The following MGAT5B variants were observed in gnomAD, a reference collection of about 807,000 sequenced individuals.
MGAT5B encodes the protein N-acetylglucosaminyl-transferase Vb.
Under a neutral mutation model 95.1 loss-of-function variants are expected in MGAT5B, and 54 were observed. The observed-to-expected ratio is 0.57, with a 90% CI of 0.46 to 0.71. MGAT5B has a LOEUF of 0.71. Ranked by LOEUF, MGAT5B falls within the 30% of genes least tolerant of loss-of-function variation. The pLI is 0.00. For missense variants in MGAT5B, 935 were observed against 1,088.6 expected, an observed-to-expected ratio of 0.86 and a Z score of 1.99; for synonymous variants, 464 against 451.0, an observed-to-expected ratio of 1.03 and a Z score of -0.36.
At chr17:76,888,372 C>T (rs1449206481) in intron 3 of MGAT5B, among the ~76,000 whole-genome samples, 1 of 152,056 alleles carries the variant, frequency 6.6e-6, no homozygotes, top group Non-Finnish European at 1.5e-5. Flanking sequence ...AGAGAGGATC[C>T]GTCTCCCCTG....
rs16969506 is a variant in MGAT5B, at chr17:76,918,859, A to G, written c.1026-6107A>G. ...GTCAAAGATCTCTGACTACTTTGCA[A>G]GGATTCTTTTTAATTAGGTCCCTCC... is the stretch of plus-strand genomic sequence containing the variant. On this transcript the variant is annotated intron_variant, in intron 8 of 17. Transcript: ENST00000569840. The surrounding 1 kb of genome is among the most constrained non-coding windows in gnomAD (Gnocchi z 5.1). Among the ~76,000 whole-genome samples the G allele has an allele frequency of 0.16, 24,166 of 152,034 alleles. 2,177 individuals are homozygous for G. The highest frequency in any genetic ancestry group is 0.32 in the East Asian group (1,644 of 5,154).
In MGAT5B at chr17:76,882,158, G is replaced by A. The variant is rs1190001152; in HGVS notation, c.189G>A (p.Gly63=). The change falls in exon 3 of 18, where the codon GGG becomes GGA. Residue 63 remains glycine (G), a synonymous_variant. Coordinates refer to ENST00000569840, the MANE Select transcript of MGAT5B (RefSeq NM_001199172.2). ...SPFTIRTEVM[G]GPESRGVLRK... ...CCCACACTCTGCCCACAGTGATGGG[G>A]GGCCCCGAGTCCCGCGGCGTCCTGC... 3 of 1,610,018 alleles carry A rather than the reference G, an allele frequency of 1.9e-6. No individual in the cohort carries two copies. Among genetic ancestry groups the A allele is most frequent in the African/African-American group, 2.7e-5 (2 of 74,924 alleles).
Position 76,947,983 on chromosome 17 carries a change from C to T in MGAT5B, c.2077C>T (p.Leu693=). 1 of 1,612,032 alleles carries T rather than the reference C, an allele frequency of 6.2e-7. No individual in the cohort carries two copies. The change falls in exon 17 of 18, where the codon CTG becomes TTG. Residue 693 remains leucine (L), a synonymous_variant. Coordinates refer to ENST00000569840, the MANE Select transcript of MGAT5B (RefSeq NM_001199172.2). ...WPPAHALRAW[L]AVPGRACTDT... is the part of the protein sequence containing the mutation. ...CCCCGCGCACGCCCTGCGGGCCTGG[C>T]TGGCCGTGCCTGGGAGGGCCTGCAC...
In MGAT5B at chr17:76,928,403, T is replaced by A. The variant is rs1394439855; in HGVS notation, c.1291+1673T>A. Among the ~76,000 whole-genome samples, 4 of 151,904 alleles carry A rather than the reference T, an allele frequency of 2.6e-5. No individual in the cohort carries two copies. The East Asian group carries it at 7.7e-4, about 29-fold the overall frequency. ...AAGTTGAGAAGCTTGGGTATTTAGA[T>A]CACTTAGAAGGGAAGCAGTCAAGCC... On this transcript the variant is annotated intron_variant, in intron 10 of 17. Transcript: ENST00000569840.
At chr17:76,944,434 C>T (rs1166152295) in intron 15 of MGAT5B, among the ~76,000 whole-genome samples, 4 of 152,118 alleles carry the variant, frequency 2.6e-5, no homozygotes, top group Non-Finnish European at 5.9e-5. Context: ...AAGCCTTGTC[C>T]CCGCAAGACC....
In MGAT5B at chr17:76,870,970, G is replaced by C. The variant is rs562671667; in HGVS notation, c.68+1873G>C. On this transcript the variant is annotated intron_variant, in intron 1 of 17. Transcript: ENST00000569840. The surrounding 1 kb of genome is among the most constrained non-coding windows in gnomAD (Gnocchi z 5.0). ...GGGGGACATTGAACCCCAGGATGGG[G>C]TTCTGGCAGAGGGAGATGCAGATGA... Among the ~76,000 whole-genome samples the C allele has an allele frequency of 2.6e-4, 39 of 152,234 alleles. No homozygotes were observed. Among genetic ancestry groups the C allele is most frequent in the African/African-American group, 7.5e-4 (31 of 41,540 alleles).
Position 76,947,871 on chromosome 17 carries a change from C to T in MGAT5B, c.1965C>T (p.His655=), listed in dbSNP as rs145474400. 731 of 1,597,572 alleles carry T rather than the reference C, an allele frequency of 4.6e-4. 4 individuals carry two copies. In the African/African-American group the frequency reaches 7.2e-3, roughly 16 times the overall value. The stretch of plus-strand genomic sequence containing the variant: ...CAGACCCTGCCCTACCAGAGGCCCA[C>T]GCCCCGCAGAGCCCCTTTGTCCTGG... ...RAPDPALPEA[H]APQSPFVLAP... The change falls in exon 17 of 18, where the codon CAC becomes CAT. Residue 655 remains histidine (H), a synonymous_variant. Coordinates refer to ENST00000569840, the MANE Select transcript of MGAT5B (RefSeq NM_001199172.2).
intron 3 of MGAT5B, among the ~76,000 whole-genome samples, chr17:76,898,332 A>AT (rs1056312668): frequency 0.021 from 1,343 of 65,054 alleles, 14 homozygotes; most frequent in African/African-American, 0.049. Flanking sequence ...TAATCTTTTT[A>AT]TTTTTTTTTT....
chr17:76,882,222 A>C lies in MGAT5B; in HGVS notation c.253A>C (p.Met85Leu), dbSNP rs1386364270. The change falls in exon 3 of 18, where the codon ATG becomes CTG. Residue 85 changes from methionine (M) to leucine (L), a missense_variant. Transcript: ENST00000569840. Reference sequence around the variant, plus strand: ...CCTGCTGGAGCTGATGGTGAAGCGCATGGACGCACTGGCCAGGCTGGAGAA... The same window carrying C: ...CCTGCTGGAGCTGATGGTGAAGCGCCTGGACGCACTGGCCAGGCTGGAGAA... ...SDLLELMVKR[M>L]DALARLENSS... is the part of the protein sequence containing the mutation. The C allele has an allele frequency of 1.9e-6, 3 of 1,613,742 alleles. No homozygotes were observed. The highest frequency in any genetic ancestry group is 1.7e-6 in the Non-Finnish European group (2 of 1,179,940).
chr17:76,906,645 C>A lies in MGAT5B; in HGVS notation c.1025+458C>A, dbSNP rs905559894. Among the ~76,000 whole-genome samples, 1 of 152,036 alleles carries A rather than the reference C, an allele frequency of 6.6e-6. No individual in the cohort carries two copies. The highest frequency in any genetic ancestry group is 1.5e-5 in the Non-Finnish European group (1 of 68,016). ...TGGGTGGGTGGTGCCTGTCCCTTAC[C>A]CAGTGCTGGGCTTTTCACGGTCCCT... On this transcript the variant is annotated intron_variant, in intron 8 of 17. Coordinates refer to ENST00000569840, the MANE Select transcript of MGAT5B (RefSeq NM_001199172.2). The surrounding 1 kb of genome is among the most constrained non-coding windows in gnomAD (Gnocchi z 4.6).
rs1391220396 is a variant in MGAT5B at position 76,914,157 on chromosome 17, GAGAA to G, written c.1025+7978_1025+7981del. On this transcript the variant is annotated intron_variant, in intron 8 of 17. Transcript: ENST00000569840. The surrounding 1 kb of genome is among the most constrained non-coding windows in gnomAD (Gnocchi z 5.1). ...AAGGAAAGAAGGAAGGAAGGAGAGAGAGAAAGAAAGAGAATTTGGCCACAAAGAT... is the reference window on the plus strand; with the variant it reads ...AAGGAAAGAAGGAAGGAAGGAGAGAGAGAAAGAGAATTTGGCCACAAAGAT... 1 of 168,288 alleles carries G rather than the reference GAGAA, an allele frequency of 5.9e-6. No individual in the cohort carries two copies. Among genetic ancestry groups the G allele is most frequent in the African/African-American group, 2.4e-5 (1 of 41,690 alleles). The allele number at this position is 168,288 out of a possible 1,614,324, so 10.4% of individuals were successfully genotyped here. A position where few individuals can be genotyped will look rare whatever the true frequency, so the allele number is the denominator to read the frequency against.
intron 3 of MGAT5B, among the ~76,000 whole-genome samples, chr17:76,888,269 C>A (rs369371835): frequency 6.6e-6 from 1 of 152,000 alleles, no homozygotes. Flanking sequence ...GAGAGCAGTG[C>A]GAATGCAAGC....
intron 3 of MGAT5B, among the ~76,000 whole-genome samples, chr17:76,888,396 G>T (rs950926885): frequency 2.0e-5 from 3 of 152,146 alleles, no homozygotes; most frequent in African/African-American, 7.2e-5. Context: ...CGGCGCTCAT[G>T]TTTCCAGCCG....
At position 76,914,401 on chromosome 17, in the gene MGAT5B, G is replaced by A. The variant is rs1968854208; in HGVS notation, c.1025+8214G>A. On this transcript the variant is annotated intron_variant, in intron 8 of 17. Transcript: ENST00000569840. This position sits in a 1 kb window ranked among gnomAD's most constrained non-coding sequence, Gnocchi z 5.1. ...AGGCAGGTGTGTTTGCCTCCTGGGG[G>A]TGACCAGTCAAAAGACCACATGCTG... 6.6e-6 allele frequency among the ~76,000 whole-genome samples: 1 copy of A among 152,176 alleles called. No homozygotes were observed. The highest frequency in any genetic ancestry group is 2.1e-4 in the South Asian group (1 of 4,832).
At position 76,940,328 on chromosome 17, in the gene MGAT5B, T is replaced by A. The variant is rs1422043463; in HGVS notation, c.1585-74T>A. ...GTGAATATCCCGAAGCCTCACCTTG[T>A]CCCCGGCATCCTGGTGCTTACTGGG... is the stretch of plus-strand genomic sequence containing the variant. On this transcript the variant is annotated intron_variant, in intron 13 of 17. Coordinates refer to ENST00000569840, the MANE Select transcript of MGAT5B (RefSeq NM_001199172.2). This position sits in a 1 kb window ranked among gnomAD's most constrained non-coding sequence, Gnocchi z 4.3. 39 of 1,479,246 alleles carry A rather than the reference T, an allele frequency of 2.6e-5. No individual in the cohort carries two copies. Among genetic ancestry groups the A allele is most frequent in the Non-Finnish European group, 3.3e-5 (37 of 1,112,272 alleles). 91.6% of individuals were successfully genotyped at this position (1,479,246 alleles called of 1,614,324 possible).
rs1968915938 is a variant in MGAT5B at position 76,915,897 on chromosome 17, G to A, written c.1026-9069G>A. On this transcript the variant is annotated intron_variant, in intron 8 of 17. Coordinates refer to ENST00000569840, the MANE Select transcript of MGAT5B (RefSeq NM_001199172.2). The surrounding 1 kb of genome is among the most constrained non-coding windows in gnomAD (Gnocchi z 8.7). The stretch of plus-strand genomic sequence containing the variant: ...CACATCCCAGCGGAGAGGCCTGGCA[G>A]CCAGACACCTGACCCAAGTTGGCTG... Among the ~76,000 whole-genome samples, 1 of 152,246 alleles carries A rather than the reference G, an allele frequency of 6.6e-6. No homozygotes were observed. The highest frequency in any genetic ancestry group is 1.5e-5 in the Non-Finnish European group (1 of 68,040).
rs1474506482 is a variant in MGAT5B at position 76,950,168 on chromosome 17, C to G, written c.*1330C>G. ...CTTCCCGGGAGGCAGCCCCGGGATG[C>G]TGAGAGTTGGTGGAGGGGCCAGGCT... On this transcript the variant is annotated 3_prime_UTR_variant, in exon 18 of 18. Transcript: ENST00000569840. The G allele has an allele frequency of 6.6e-6, 1 of 152,596 alleles. No homozygotes were observed. The highest frequency in any genetic ancestry group is 1.5e-5 in the Non-Finnish European group (1 of 68,052). The allele number at this position is 152,596 out of a possible 1,614,324, so 9.5% of individuals were successfully genotyped here. A position where few individuals can be genotyped will look rare whatever the true frequency, so the allele number is the denominator to read the frequency against.
chr17:76,938,676 C>A lies in MGAT5B; in HGVS notation c.1584+533C>A, dbSNP rs993372326. On this transcript the variant is annotated intron_variant, in intron 13 of 17. Coordinates refer to ENST00000569840, the MANE Select transcript of MGAT5B (RefSeq NM_001199172.2). The surrounding 1 kb of genome is among the most constrained non-coding windows in gnomAD (Gnocchi z 4.3). Reference sequence around the variant, plus strand: ...AGAGTCTCCAGCCAGCTTCTAGGCACCCCCTCACCCTCTTTTTTATGAGAC... The same window carrying A: ...AGAGTCTCCAGCCAGCTTCTAGGCAACCCCTCACCCTCTTTTTTATGAGAC... Among the ~76,000 whole-genome samples the A allele has an allele frequency of 3.9e-5, 6 of 152,044 alleles. No individual in the cohort carries two copies. The South Asian group carries it at 1.2e-3, about 32-fold the overall frequency.
intron 16 of MGAT5B, 108 bp from the exon 17 acceptor site, chr17:76,947,722 G>A (rs151191022): frequency 1.4e-4 from 194 of 1,432,266 alleles, no homozygotes; most frequent in Middle Eastern, 8.0e-4. Flanking sequence ...TTCAGTAAGC[G>A]CCCAGTAGTG....
Sources: gnomAD v4.1 joint callset for allele counts (sites outside exome capture counted in the v4.1 genomes callset) on GRCh38, gnomAD v4.1.1 for gene constraint, Gnocchi (gnomAD v3.1) non-coding constraint, MANE v1.5 for transcripts, NCBI Gene and HGNC (gene_info 2026-07-23, HGNC 2026-07-21) for gene names.